The following CRB1 variants were observed in gnomAD, a reference collection of about 807,000 sequenced individuals.
CRB1 encodes protein crumbs homolog 1.
Under a neutral mutation model 120.0 loss-of-function variants are expected in CRB1, and 83 were observed. The ratio of observed to expected loss-of-function variants is 0.69; its 90% confidence interval spans 0.58 to 0.83. The LOEUF is 0.83. Among genes scored for constraint, CRB1 ranks in the 40% least tolerant of loss-of-function variants. CRB1 has a pLI of 0.00. For synonymous variants in CRB1, 625 were observed against 612.5 expected (o/e 1.02, Z -0.30); for missense variants, 1,699 against 1,687.6 (o/e 1.01, Z -0.12).
chr1:197,296,598 G>A (rs1451032858), intron 1 of CRB1, among the ~76,000 whole-genome samples: 1 of 152,022 alleles, frequency 6.6e-6, no homozygotes, highest in African/African-American at 2.4e-5. Context: ...ATCCGATATT[G>A]GAACTCCAGG....
chr1:197,460,267 A>G (rs1008420433), intron 11 of CRB1, among the ~76,000 whole-genome samples: 1 of 152,074 alleles, frequency 6.6e-6, no homozygotes, highest in Non-Finnish European at 1.5e-5. Flanking sequence ...TGTACATAAA[A>G]TTAAGGAACT....
intron 1 of CRB1, among the ~76,000 whole-genome samples, chr1:197,306,018 G>A (rs1393394453): frequency 6.6e-6 from 1 of 152,098 alleles, no homozygotes; most frequent in African/African-American, 2.4e-5. Flanking sequence ...TGGATGATAG[G>A]TGGGGAAAAG....
Position 197,437,375 on chromosome 1 carries a change from G to A in CRB1, c.3750-1172G>A, listed in dbSNP as rs186853864. On this transcript the variant is annotated intron_variant, in intron 9 of 11. Transcript: ENST00000367400. ...TAACCTGCCTGTTTAAAAGCAAGAA[G>A]AATTCAGGATCAAATTTAGTATATT... 9.9e-5 allele frequency among the ~76,000 whole-genome samples: 15 copies of A among 152,210 alleles called. No individual in the cohort carries two copies. The East Asian group carries it at 2.9e-3, about 29-fold the overall frequency.
intron 1 of CRB1, among the ~76,000 whole-genome samples, chr1:197,272,241 G>A (rs759650103): frequency 3.3e-5 from 5 of 152,106 alleles, no homozygotes; most frequent in Admixed American, 2.6e-4. Flanking sequence ...TATCCTTGCA[G>A]TGGCATTTTG....
At position 197,438,667 on chromosome 1, in the gene CRB1, T is replaced by C. The variant is rs745634551; in HGVS notation, c.3870T>C (p.Thr1290=). ...AATGTATGTGCCGGCCAGGTTTTAC[T>C]GGAGAATGGTGAGTCACATTAGAGC... ...ELKCMCRPGF[T]GEWCEKDIDE... The change falls in exon 10 of 12, where the codon ACT becomes ACC. Residue 1290 remains threonine (T), a synonymous_variant. Coordinates refer to ENST00000367400, the MANE Select transcript of CRB1 (RefSeq NM_201253.3). 12 of 1,611,938 alleles carry C rather than the reference T, an allele frequency of 7.4e-6. No individual in the cohort carries two copies. The highest frequency in any genetic ancestry group is 1.0e-5 in the Non-Finnish European group (12 of 1,178,462).
At chr1:197,468,622 A>G (rs1343711523) in intron 11 of CRB1, among the ~76,000 whole-genome samples, 1 of 152,166 alleles carries the variant, frequency 6.6e-6, no homozygotes, top group Non-Finnish European at 1.5e-5. Flanking sequence ...TATTATTGGG[A>G]AGTTCCAGAG....
At chr1:197,468,119 G>A (rs1483631749) in intron 11 of CRB1, among the ~76,000 whole-genome samples, 1 of 152,066 alleles carries the variant, frequency 6.6e-6, no homozygotes, top group Non-Finnish European at 1.5e-5. Context: ...TCTCCTTAAA[G>A]CAATTGGATC....
the CRB1 span, among the ~76,000 whole-genome samples, chr1:197,229,058 G>A: frequency 1.1e-4 from 16 of 152,144 alleles, no homozygotes; most frequent in African/African-American, 3.6e-4. Flanking sequence ...AATTCAAGAT[G>A]AGATTTGGGT....
At chr1:197,373,519 T>A (rs1485362324) in intron 5 of CRB1, among the ~76,000 whole-genome samples, 1 of 152,156 alleles carries the variant, frequency 6.6e-6, no homozygotes, top group Non-Finnish European at 1.5e-5. Flanking sequence ...AAAATAAGTT[T>A]ACATAATTTT....
At chr1:197,368,588 G>A (rs929512111) in intron 5 of CRB1, among the ~76,000 whole-genome samples, 10 of 152,140 alleles carry the variant, frequency 6.6e-5, no homozygotes, top group African/African-American at 2.4e-4. Flanking sequence ...AAATTTAAAG[G>A]CTAATATTTG....
At chr1:197,473,728 C>T (rs1352431265) in intron 11 of CRB1, among the ~76,000 whole-genome samples, 1 of 151,992 alleles carries the variant, frequency 6.6e-6, no homozygotes, top group East Asian at 1.9e-4. Context: ...CCAAATAGGG[C>T]TGGCCTTAAA....
At chr1:197,278,763 T>A (rs931242920) in intron 1 of CRB1, among the ~76,000 whole-genome samples, 1 of 151,916 alleles carries the variant, frequency 6.6e-6, no homozygotes, top group African/African-American at 2.4e-5. Context: ...TAAATAACCA[T>A]TAAAATAAAT....
the CRB1 span, among the ~76,000 whole-genome samples, chr1:197,260,171 GGAAGAGGAAGAGGAA>G: frequency 4.7e-3 from 676 of 144,806 alleles, 20 homozygotes; most frequent in Admixed American, 0.035. Flanking sequence ...GAGAGAGAGA[GGAAGAGGAAGAGGAA>G]GAAGAGGAAG....
chr1:197,455,353 T>C (rs1481755418), intron 11 of CRB1, among the ~76,000 whole-genome samples: 1 of 152,184 alleles, frequency 6.6e-6, no homozygotes, highest in Non-Finnish European at 1.5e-5. Context: ...TTATTTTCCT[T>C]ATTTTTTGCT....
Position 197,364,139 on chromosome 1 carries a change from C to T in CRB1, c.1171+7126C>T, listed in dbSNP as rs867689801. ...TGTGGATGGGACACCCAGTATGAAACCCTCATCCAGTTTTGTCTCCATCTC... is the reference window on the plus strand; with the variant it reads ...TGTGGATGGGACACCCAGTATGAAATCCTCATCCAGTTTTGTCTCCATCTC... On this transcript the variant is annotated intron_variant, in intron 5 of 11. Coordinates refer to ENST00000367400, the MANE Select transcript of CRB1 (RefSeq NM_201253.3). 8.6e-6 allele frequency: 6 copies of T among 701,524 alleles called. No individual in the cohort carries two copies. The African/African-American group carries it at 8.8e-5, about 10-fold the overall frequency. The allele number at this position is 701,524 out of a possible 1,614,324, so 43.5% of individuals were successfully genotyped here. A position where few individuals can be genotyped will look rare whatever the true frequency, so the allele number is the denominator to read the frequency against.
At chr1:197,311,966 A>G (rs904471758) in intron 1 of CRB1, among the ~76,000 whole-genome samples, 3 of 152,200 alleles carry the variant, frequency 2.0e-5, no homozygotes, top group Admixed American at 6.5e-5. Flanking sequence ...TAAATTTCAT[A>G]TAGCCAAGTG....
At chr1:197,426,987 T>G (rs1217619492) in intron 6 of CRB1, among the ~76,000 whole-genome samples, 1 of 152,232 alleles carries the variant, frequency 6.6e-6, no homozygotes, top group Non-Finnish European at 1.5e-5. Flanking sequence ...ACATGTTTGC[T>G]TCAGCATGCC....
intron 5 of CRB1, among the ~76,000 whole-genome samples, chr1:197,399,835 G>A (rs2821100): frequency 6.6e-6 from 1 of 152,054 alleles, no homozygotes; most frequent in Non-Finnish European, 1.5e-5. Context: ...CAGTTTCTTG[G>A]TGGCAGTGAG....
intron 2 of CRB1, among the ~76,000 whole-genome samples, chr1:197,341,886 G>GTCCCA (rs1659483302): frequency 6.6e-6 from 1 of 152,192 alleles, no homozygotes; most frequent in Admixed American, 6.5e-5. Context: ...GAGTCCACTA[G>GTCCCA]TGGGACATTT....
Sources: allele counts gnomAD v4.1 joint callset (sites outside exome capture counted in the v4.1 genomes callset), GRCh38; gene constraint gnomAD v4.1.1; transcripts MANE v1.5; gene names NCBI Gene and HGNC (gene_info 2026-07-23, HGNC 2026-07-21).